ATP2B2: variants seen among roughly 807,000 people sequenced by gnomAD.
The protein encoded by ATP2B2 is ATPase plasma membrane Ca2+ transporting 2, also known as plasma membrane calcium-transporting ATPase 2.
In ATP2B2, 15 loss-of-function variants were observed where a neutral mutation model predicts 120.0. The observed-to-expected ratio is 0.12, with a 90% CI of 0.08 to 0.19. The LOEUF is 0.19. Among genes scored for constraint, ATP2B2 ranks in the 10% least tolerant of loss-of-function variants. The pLI is 1.00. For missense variants in ATP2B2, 1,045 were observed against 1,719.8 expected (o/e 0.61, Z 6.94); for synonymous variants, 694 against 700.3 (o/e 0.99, Z 0.14).
chr3:10,546,822 G>A (rs558331049), intron 2 of ATP2B2, among the ~76,000 whole-genome samples: 2 of 152,284 alleles, frequency 1.3e-5, no homozygotes, highest in East Asian at 1.9e-4. Flanking sequence ...CACAGCTAAC[G>A]GTGATGAAGC....
intron 1 of ATP2B2, among the ~76,000 whole-genome samples, chr3:10,648,803 A>G (rs2070382677): frequency 6.6e-6 from 1 of 152,024 alleles, no homozygotes; most frequent in Non-Finnish European, 1.5e-5. Context: ...GTCTTTCCCA[A>G]ATCTCTTCAC....
At chr3:10,470,007 C>T (rs562123268) in intron 1 of ATP2B2, among the ~76,000 whole-genome samples, 7 of 152,118 alleles carry the variant, frequency 4.6e-5, no homozygotes, top group East Asian at 1.9e-4. Flanking sequence ...GCGCAGCCCC[C>T]GTGGGGGCTG....
intron 3 of ATP2B2, among the ~76,000 whole-genome samples, chr3:10,519,514 T>G (rs1422323055): frequency 1.3e-5 from 2 of 152,172 alleles, no homozygotes; most frequent in Non-Finnish European, 2.9e-5. Flanking sequence ...CAGGCTGGCA[T>G]CTGATGGTAC....
chr3:10,471,099 G>A (rs1459545080), intron 1 of ATP2B2, among the ~76,000 whole-genome samples: 1 of 152,202 alleles, frequency 6.6e-6, no homozygotes, highest in Admixed American at 6.5e-5. Context: ...CCGATCCGCA[G>A]TCCGACCTGC....
rs2063963983 is a variant in ATP2B2 at position 10,449,624 on chromosome 3, G to A, written c.-81C>T. The A allele has an allele frequency of 2.6e-6, 4 of 1,547,384 alleles. No homozygotes were observed. Among genetic ancestry groups the A allele is most frequent in the Non-Finnish European group, 3.6e-6 (4 of 1,122,564 alleles). ...TGCCGGGTGATGGCTGCTTGTGGCT[G>A]TCCTCAGCACACCCTCACTGGTCAG... On this transcript the variant is annotated 5_prime_UTR_variant, in exon 2 of 23. Coordinates refer to ENST00000360273, the MANE Select transcript of ATP2B2 (RefSeq NM_001001331.4).
chr3:10,350,237 C>A, intron 15 of ATP2B2, 38 bp from the exon 16 acceptor site: 1 of 1,497,878 alleles, frequency 6.7e-7, no homozygotes, highest in South Asian at 1.1e-5. Context: ...TCGGTGGGGT[C>A]GGGGAGAGAA....
At chr3:10,677,944 G>C (rs1302267314) in intron 1 of ATP2B2, among the ~76,000 whole-genome samples, 1 of 152,130 alleles carries the variant, frequency 6.6e-6, no homozygotes. Context: ...CACAGCCCTA[G>C]GAAGCAGGTA....
chr3:10,421,276 T>C (rs1181611808), intron 2 of ATP2B2, among the ~76,000 whole-genome samples: 1 of 152,066 alleles, frequency 6.6e-6, no homozygotes, highest in Non-Finnish European at 1.5e-5. Flanking sequence ...GGTCACACAG[T>C]GGGGTGGTGA....
At chr3:10,604,083 C>T (rs144879809) in intron 2 of ATP2B2, among the ~76,000 whole-genome samples, 32 of 152,290 alleles carry the variant, frequency 2.1e-4, no homozygotes, top group African/African-American at 7.5e-4. Context: ...CCAGATGCCC[C>T]AACTTGGTGA....
At chr3:10,632,202 T>A (rs1419887393) in intron 1 of ATP2B2, among the ~76,000 whole-genome samples, 1 of 152,168 alleles carries the variant, frequency 6.6e-6, no homozygotes. Flanking sequence ...TAGATTTCTG[T>A]ACTTTCTTAA....
At chr3:10,508,052 A>G (rs75316710), upstream of ATP2B2, among the ~76,000 whole-genome samples, 4,807 of 152,174 alleles carry the variant, frequency 0.032, 152 homozygotes, top group East Asian at 0.17. Flanking sequence ...AACGCACACT[A>G]GCAGCCAAAC....
chr3:10,606,867 A>G (rs537812541), intron 2 of ATP2B2, among the ~76,000 whole-genome samples: 80 of 144,954 alleles, frequency 5.5e-4, no homozygotes, highest in Non-Finnish European at 9.0e-4. Flanking sequence ...CGTAAGTGTA[A>G]TGACGGAGTC....
At chr3:10,362,023 C>T (rs1193751773) in intron 12 of ATP2B2, among the ~76,000 whole-genome samples, 1 of 152,220 alleles carries the variant, frequency 6.6e-6, no homozygotes, top group African/African-American at 2.4e-5. Context: ...CCAATGCACA[C>T]ACCCACTCAT....
chr3:10,697,165 T>C (rs1476051933), intron 1 of ATP2B2, among the ~76,000 whole-genome samples: 3 of 152,166 alleles, frequency 2.0e-5, no homozygotes, highest in East Asian at 1.9e-4. Flanking sequence ...GTGCTTTTTT[T>C]CCTCTGCATT....
chr3:10,449,281 C>A, intron 2 of ATP2B2, 64 bp downstream of exon 2: 2 of 1,557,746 alleles, frequency 1.3e-6, no homozygotes, highest in South Asian at 2.2e-5. Flanking sequence ...AATATGGTCC[C>A]TGTGGCCAAT....
rs2061369244 is a variant in ATP2B2 at position 10,375,938 on chromosome 3, T to C, written c.1202-294A>G. 6.6e-6 allele frequency among the ~76,000 whole-genome samples: 1 copy of C among 152,232 alleles called. No individual in the cohort carries two copies. The highest frequency in any genetic ancestry group is 6.5e-5 in the Admixed American group (1 of 15,284). ...CAGCATAGTGCTCGGCAATAGTATG[T>C]GCTCGACACATAGTAGGTGCTCAAG... On this transcript the variant is annotated intron_variant, in intron 10 of 22. Coordinates refer to ENST00000360273, the MANE Select transcript of ATP2B2 (RefSeq NM_001001331.4). This position sits in a 1 kb window ranked among gnomAD's most constrained non-coding sequence, Gnocchi z 4.2.
In ATP2B2 at chr3:10,350,496, C is replaced by A; in HGVS notation, c.2218G>T (p.Ala740Ser). The change falls in exon 15 of 23, where the codon GCC (alanine) becomes TCC (serine). Residue 740 changes from alanine (A) to serine (S), a missense_variant. Physicochemically the swap from Ala to Ser is moderately conservative, Grantham distance 99 (BLOSUM62 1). This residue lies in a region of ATP2B2 where 343 missense variants were observed against 536.8 expected (regional missense o/e 0.64). Coordinates refer to ENST00000360273, the MANE Select transcript of ATP2B2 (RefSeq NM_001001331.4). ...VTGDNINTAR[A>S]IAIKCGIIHP... ...ATGATGCCACACTTGATGGCGATGG[C>A]CCGAGCCGTGTTGATATTGTCGCCA... 1 of 1,614,228 alleles carries A rather than the reference C, an allele frequency of 6.2e-7. No individual in the cohort carries two copies. Among genetic ancestry groups the A allele is most frequent in the Non-Finnish European group, 8.5e-7 (1 of 1,180,042 alleles).
intron 11 of ATP2B2, 67 bp from the exon 12 acceptor site, chr3:10,372,118 G>A: frequency 6.2e-7 from 1 of 1,608,000 alleles, no homozygotes; most frequent in Non-Finnish European, 8.5e-7. Flanking sequence ...GGTGCCTGGA[G>A]GCACTGGGTA....
At chr3:10,520,802 G>T (rs1447356497) in intron 3 of ATP2B2, among the ~76,000 whole-genome samples, 1 of 146,440 alleles carries the variant, frequency 6.8e-6, no homozygotes, top group Non-Finnish European at 1.5e-5. Flanking sequence ...AAATAAAAAA[G>T]AGTGCCTTTC....
Sources: allele counts gnomAD v4.1 joint callset (sites outside exome capture counted in the v4.1 genomes callset), GRCh38; gene constraint gnomAD v4.1.1; regional missense constraint gnomAD v4.1.1; non-coding constraint Gnocchi (gnomAD v3.1); transcripts MANE v1.5; gene names NCBI Gene and HGNC (gene_info 2026-07-23, HGNC 2026-07-21).